The following RGS7 variants were observed in gnomAD, a reference collection of about 807,000 sequenced individuals.
RGS7 encodes the protein regulator of G-protein signaling 7.
RGS7 carries 27 observed loss-of-function variants against 81.1 expected under a neutral mutation model. The ratio of observed to expected loss-of-function variants is 0.33; its 90% CI spans 0.25 to 0.46. RGS7 has a LOEUF of 0.46. Among genes scored for constraint, RGS7 ranks in the 20% least tolerant of loss-of-function variants. The probability of loss-of-function intolerance (pLI) is 1.00; values close to 1 mark genes in which losing one functional copy is unlikely to be tolerated. For missense variants in RGS7, 396 were observed against 607.4 expected (o/e 0.65, Z 3.66); for synonymous variants, 208 against 207.7 (o/e 1.00, Z -0.01).
chr1:241,137,574 G>T (rs1374750280), intron 2 of RGS7, among the ~76,000 whole-genome samples: 1 of 152,182 alleles, frequency 6.6e-6, no homozygotes, highest in African/African-American at 2.4e-5. Flanking sequence ...AACTCAGGCT[G>T]TCCTAGCAGG....
intron 11 of RGS7, among the ~76,000 whole-genome samples, chr1:240,815,586 G>C (rs6702140): frequency 0.71 from 108,334 of 151,986 alleles, 39,056 homozygotes; most frequent in Non-Finnish European, 0.78. Context: ...AATTAAAAAC[G>C]CTCTGAATGA....
intron 3 of RGS7, among the ~76,000 whole-genome samples, chr1:241,028,681 G>A (rs916795275): frequency 2.6e-5 from 4 of 152,236 alleles, no homozygotes; most frequent in South Asian, 2.1e-4. Context: ...CCAGGGAGGC[G>A]CAGGGACTGG....
intron 9 of RGS7, among the ~76,000 whole-genome samples, chr1:240,857,969 G>A (rs1375432018): frequency 6.6e-6 from 1 of 152,126 alleles, no homozygotes; most frequent in African/African-American, 2.4e-5. Context: ...ACAAGGACAT[G>A]TTTGCTTCCC....
chr1:241,052,349 T>C (rs2061294750), intron 3 of RGS7, among the ~76,000 whole-genome samples: 1 of 152,078 alleles, frequency 6.6e-6, no homozygotes, highest in South Asian at 2.1e-4. Flanking sequence ...TTAAAACATT[T>C]GAGGTGGACG....
intron 18 of RGS7, among the ~76,000 whole-genome samples, chr1:240,795,085 G>A (rs933172918): frequency 5.9e-5 from 9 of 152,122 alleles, no homozygotes; most frequent in African/African-American, 2.2e-4. Flanking sequence ...TTTGGAGGCT[G>A]AGGCAGGAGA....
intron 6 of RGS7, among the ~76,000 whole-genome samples, chr1:240,889,455 G>A (rs1667920366): frequency 6.6e-6 from 1 of 152,128 alleles, no homozygotes; most frequent in Non-Finnish European, 1.5e-5. Flanking sequence ...GGTTATGTCA[G>A]GGCTGAGCCG....
At chr1:240,887,228 T>TGCTGTTG (rs56882265) in intron 6 of RGS7, among the ~76,000 whole-genome samples, 3 of 144,018 alleles carry the variant, frequency 2.1e-5, no homozygotes, top group Admixed American at 2.0e-4. Context: ...GTATATAGGT[T>TGCTGTTG]TTTTTTTTTT....
rs147328910 is a variant in RGS7, at chr1:241,115,010, T to C, written c.79-16248A>G. 7.6e-3 allele frequency among the ~76,000 whole-genome samples: 1,156 copies of C among 152,256 alleles called. 13 individuals are homozygous for C. The highest frequency in any genetic ancestry group is 0.026 in the African/African-American group (1,098 of 41,544). On this transcript the variant is annotated intron_variant, in intron 2 of 18. Transcript: ENST00000440928. ...TCTAAGATGGAATGCCAAACATACTTTTAAATTGGAAAGGAAATGAAAACA... is the reference window on the plus strand; with the variant it reads ...TCTAAGATGGAATGCCAAACATACTCTTAAATTGGAAAGGAAATGAAAACA...
intron 2 of RGS7, among the ~76,000 whole-genome samples, chr1:241,322,557 GA>G (rs2081274201): frequency 6.6e-6 from 1 of 152,192 alleles, no homozygotes; most frequent in Admixed American, 6.5e-5. Flanking sequence ...ATAAATTCAA[GA>G]AAAGCAGGGG....
chr1:240,859,303 T>A (rs1661719142), intron 9 of RGS7, among the ~76,000 whole-genome samples: 1 of 152,130 alleles, frequency 6.6e-6, no homozygotes, highest in South Asian at 2.1e-4. Flanking sequence ...CCTGGCCTAA[T>A]TTCTTTAATT....
chr1:240,892,363 A>AT (rs1179818390), intron 6 of RGS7, among the ~76,000 whole-genome samples: 1 of 152,126 alleles, frequency 6.6e-6, no homozygotes, highest in Non-Finnish European at 1.5e-5. Flanking sequence ...AACAAGGGCT[A>AT]TTTTTTTGTA....
At chr1:240,882,637 C>T (rs147285436) in intron 6 of RGS7, among the ~76,000 whole-genome samples, 246 of 152,236 alleles carry the variant, frequency 1.6e-3, no homozygotes, top group African/African-American at 5.5e-3. Context: ...CAATTCCACT[C>T]TGGCTCTCAG....
At chr1:240,942,399 C>A in intron 4 of RGS7, among the ~76,000 whole-genome samples, 1 of 152,178 alleles carries the variant, frequency 6.6e-6, no homozygotes, top group East Asian at 1.9e-4. Context: ...CAACTTCTTG[C>A]AGCCTCCTCT....
intron 14 of RGS7, among the ~76,000 whole-genome samples, chr1:240,806,596 A>G (rs1400187904): frequency 1.3e-5 from 2 of 150,126 alleles, no homozygotes. Context: ...ATATAAAGAA[A>G]CATGAAAAAC....
Position 241,107,053 on chromosome 1 carries a change from A to C in RGS7, c.79-8291T>G, listed in dbSNP as rs145676864. On this transcript the variant is annotated intron_variant, in intron 2 of 18. Transcript: ENST00000440928. Reference sequence around the variant, plus strand: ...CAAATTCAATTGTCATGAACAAAGAAATGTGTTGTAAGTACTGTGGGATGT... The same window carrying C: ...CAAATTCAATTGTCATGAACAAAGACATGTGTTGTAAGTACTGTGGGATGT... Among the ~76,000 whole-genome samples the C allele has an allele frequency of 3.0e-3, 459 of 152,302 alleles. 6 individuals carry two copies. Among genetic ancestry groups the C allele is most frequent in the African/African-American group, 0.011 (437 of 41,558 alleles).
intron 2 of RGS7, among the ~76,000 whole-genome samples, chr1:241,182,252 G>A (rs1435497789): frequency 6.6e-6 from 1 of 152,060 alleles, no homozygotes; most frequent in African/African-American, 2.4e-5. Flanking sequence ...GGACCTTTCT[G>A]GCCCAGCCCA....
At chr1:240,895,062 TC>T (rs926518045) in intron 6 of RGS7, among the ~76,000 whole-genome samples, 122 of 152,132 alleles carry the variant, frequency 8.0e-4, no homozygotes, top group African/African-American at 2.9e-3. Flanking sequence ...TCTCGTGAGA[TC>T]TGGTCATCTA....
chr1:241,095,043 A>G (rs1322145568), intron 3 of RGS7, among the ~76,000 whole-genome samples: 1 of 152,148 alleles, frequency 6.6e-6, no homozygotes. Context: ...ATTTTTTTTA[A>G]AAAGTCATTA....
At chr1:240,952,896 G>A (rs1285771926) in intron 4 of RGS7, among the ~76,000 whole-genome samples, 1 of 151,856 alleles carries the variant, frequency 6.6e-6, no homozygotes, top group African/African-American at 2.4e-5. Flanking sequence ...ATCTAATACA[G>A]AAGCAATATT....
Sources: allele counts gnomAD v4.1 joint callset (sites outside exome capture counted in the v4.1 genomes callset), GRCh38; gene constraint gnomAD v4.1.1; transcripts MANE v1.5; gene names NCBI Gene and HGNC (gene_info 2026-07-23, HGNC 2026-07-21).